NEDD4: variants seen among roughly 807,000 people sequenced by gnomAD.
NEDD4 encodes the protein E3 ubiquitin-protein ligase NEDD4.
NEDD4 carries 99 observed loss-of-function variants against 144.9 expected under a neutral mutation model. The ratio of observed to expected loss-of-function variants is 0.68; its 90% CI spans 0.58 to 0.81. The LOEUF (loss-of-function observed/expected upper bound fraction) is 0.81. NEDD4 is among the 30% of genes least tolerant of loss of function. The pLI, the probability that NEDD4 is intolerant of heterozygous loss-of-function variation, is 0.00. For missense variants in NEDD4, 985 were observed against 1,065.9 expected (o/e 0.92, Z 1.06); for synonymous variants, 318 against 350.6 (o/e 0.91, Z 1.04).
intron 1 of NEDD4, among the ~76,000 whole-genome samples, chr15:55,971,990 G>C (rs899022615): frequency 6.6e-6 from 1 of 152,238 alleles, no homozygotes; most frequent in African/African-American, 2.4e-5. Flanking sequence ...AGTGCTGAAG[G>C]AAAAAATTTT....
intron 4 of NEDD4, among the ~76,000 whole-genome samples, chr15:55,929,460 C>G (rs1454268837): frequency 6.6e-6 from 1 of 151,878 alleles, no homozygotes; most frequent in Non-Finnish European, 1.5e-5. Context: ...ACCCAACAGG[C>G]AGCTTTTCTA....
chr15:55,956,558 C>T (rs780001127), intron 2 of NEDD4, among the ~76,000 whole-genome samples: 2 of 152,296 alleles, frequency 1.3e-5, no homozygotes, highest in Non-Finnish European at 2.9e-5. Flanking sequence ...ATTACCTCAG[C>T]ATTTTTTGTT....
intron 2 of NEDD4, among the ~76,000 whole-genome samples, chr15:55,965,768 C>A (rs552524413): frequency 9.9e-5 from 15 of 152,212 alleles, no homozygotes; most frequent in Admixed American, 2.6e-4. Context: ...GTGGCACAAT[C>A]TTGGCTCGCT....
At chr15:55,839,013 T>G (rs2033344021) in intron 21 of NEDD4, among the ~76,000 whole-genome samples, 1 of 151,320 alleles carries the variant, frequency 6.6e-6, no homozygotes, top group South Asian at 2.1e-4. Flanking sequence ...TTAAATGTTT[T>G]ATTTTTATTT....
At chr15:55,896,210 C>A (rs967108825) in intron 5 of NEDD4, among the ~76,000 whole-genome samples, 1 of 152,172 alleles carries the variant, frequency 6.6e-6, no homozygotes. Context: ...GAGACAGAGT[C>A]TCACTCTGTT....
At chr15:55,873,762 G>A (rs756242319) in intron 6 of NEDD4, among the ~76,000 whole-genome samples, 196 bp downstream of exon 6, 10 of 151,988 alleles carry the variant, frequency 6.6e-5, no homozygotes, top group Non-Finnish European at 1.2e-4. Flanking sequence ...TTCTCACTGG[G>A]GTTCATGAAC....
intron 5 of NEDD4, among the ~76,000 whole-genome samples, chr15:55,885,194 C>G (rs1012866645): frequency 6.6e-6 from 1 of 152,150 alleles, no homozygotes; most frequent in Non-Finnish European, 1.5e-5. Context: ...AATAGTATAT[C>G]TGGCGAAAAT....
At chr15:55,946,082 A>G (rs1394227587) in intron 4 of NEDD4, among the ~76,000 whole-genome samples, 1 of 152,252 alleles carries the variant, frequency 6.6e-6, no homozygotes, top group African/African-American at 2.4e-5. Flanking sequence ...GATGCTATGA[A>G]GAAACTCCAT....
chr15:55,939,089 G>C (rs1023840240), intron 4 of NEDD4, among the ~76,000 whole-genome samples: 1 of 148,828 alleles, frequency 6.7e-6, no homozygotes, highest in African/African-American at 2.5e-5. Flanking sequence ...CTGGATAATA[G>C]AGTGAGACCG....
intron 5 of NEDD4, among the ~76,000 whole-genome samples, chr15:55,883,549 A>T (rs2035272606): frequency 6.6e-6 from 1 of 152,112 alleles, no homozygotes. Flanking sequence ...GGTGGCAGCT[A>T]GCGAGTGGTT....
chr15:55,866,132 T>A (rs576132685), intron 8 of NEDD4, among the ~76,000 whole-genome samples: 1 of 152,178 alleles, frequency 6.6e-6, no homozygotes, highest in East Asian at 1.9e-4. Context: ...CAGGCTGGTC[T>A]CAAACTCCTG....
intron 5 of NEDD4, among the ~76,000 whole-genome samples, chr15:55,919,214 A>AT (rs1464092524): frequency 9.2e-5 from 14 of 152,186 alleles, no homozygotes; most frequent in Non-Finnish European, 4.4e-5. Flanking sequence ...ACCAGAAGAC[A>AT]CCAGATAGAA....
chr15:55,846,685 C>G (rs1480654625), intron 18 of NEDD4, among the ~76,000 whole-genome samples: 5 of 152,110 alleles, frequency 3.3e-5, no homozygotes, highest in African/African-American at 1.2e-4. Context: ...AAGATCAAGC[C>G]CCATAAACCC....
At position 55,834,056 on chromosome 15, in the gene NEDD4, AAC is replaced by A; in HGVS notation, c.2410_2411del (p.Val804TyrfsTer36). On this transcript the variant is annotated frameshift_variant, in exon 26 of 29. Transcript: ENST00000435532. LOFTEE classifies it high-confidence loss of function. ...YKNGYSANHQ[V>X]IQWFWKAVLM... The stretch of plus-strand genomic sequence containing the variant: ...AAATTACCTTCCAAAACCACTGTAT[AAC>A]CTGATGATTTGCACTGTAGCCATTT... 1 of 1,613,202 alleles carries A rather than the reference AAC, an allele frequency of 6.2e-7. No individual in the cohort carries two copies. Among genetic ancestry groups the A allele is most frequent in the Non-Finnish European group, 8.5e-7 (1 of 1,179,716 alleles).
Position 55,986,580 on chromosome 15 carries a change from C to CTTTTT in NEDD4, c.45+6926_45+6930dup, listed in dbSNP as rs58470215. On this transcript the variant is annotated intron_variant, in intron 1 of 28. Coordinates refer to ENST00000435532, the MANE Select transcript of NEDD4 (RefSeq NM_006154.4). ...TCGTAGGATGTAAGGCCTGTCCTTGCTTTTTTTTTTTTTTTTTTTTTTTTT... is the reference window on the plus strand; with the variant it reads ...TCGTAGGATGTAAGGCCTGTCCTTGCTTTTTTTTTTTTTTTTTTTTTTTTTTTTTT... 1.7e-3 allele frequency among the ~76,000 whole-genome samples: 133 copies of CTTTTT among 76,440 alleles called. 1 individual carries two copies. Among genetic ancestry groups the CTTTTT allele is most frequent in the Non-Finnish European group, 2.2e-3 (98 of 45,442 alleles). The allele number at this position is 76,440 out of a possible 152,430, so 50.1% of individuals were successfully genotyped here. A position where few individuals can be genotyped will look rare whatever the true frequency, so the allele number is the denominator to read the frequency against.
At chr15:55,842,205 A>G (rs1197629213) in intron 18 of NEDD4, 42 bp from the exon 19 acceptor site, 2 of 1,507,930 alleles carry the variant, frequency 1.3e-6, no homozygotes, top group Non-Finnish European at 1.8e-6. Context: ...AATCAGTTCA[A>G]CATAATAACA....
chr15:55,875,428 AG>A (rs2034960290), intron 5 of NEDD4, among the ~76,000 whole-genome samples: 1 of 152,120 alleles, frequency 6.6e-6, no homozygotes, highest in Non-Finnish European at 1.5e-5. Flanking sequence ...GTCTTGTCTT[AG>A]CCACACAGGT....
At chr15:55,982,368 T>C (rs1185391204) in intron 1 of NEDD4, among the ~76,000 whole-genome samples, 1 of 152,128 alleles carries the variant, frequency 6.6e-6, no homozygotes, top group Non-Finnish European at 1.5e-5. Flanking sequence ...TTGGAAACAA[T>C]CAATGTGTCC....
At chr15:55,981,180 C>G (rs181155368) in intron 1 of NEDD4, among the ~76,000 whole-genome samples, 1 of 151,880 alleles carries the variant, frequency 6.6e-6, no homozygotes, top group Admixed American at 6.6e-5. Flanking sequence ...GTAGCTGAGA[C>G]TACAGGTGCC....
Sources: gnomAD v4.1 joint callset for allele counts (sites outside exome capture counted in the v4.1 genomes callset) on GRCh38, gnomAD v4.1.1 for gene constraint, MANE v1.5 for transcripts, NCBI Gene and HGNC (gene_info 2026-07-23, HGNC 2026-07-21) for gene names.